MYH9: variants seen among roughly 807,000 people sequenced by gnomAD.
The protein encoded by MYH9 is myosin heavy chain 9.
In MYH9, 29 loss-of-function variants were observed where a neutral mutation model predicts 241.9. That is an observed-to-expected ratio of 0.12 (90% confidence interval 0.09 to 0.16). MYH9 has a LOEUF of 0.16. MYH9 is among the 10% of genes least tolerant of loss of function. The pLI is 1.00. For missense variants in MYH9, 1,803 were observed against 2,595.5 expected, an observed-to-expected ratio of 0.69 and a Z score of 6.63; for synonymous variants, 1,047 against 1,062.6, an observed-to-expected ratio of 0.99 and a Z score of 0.29.
At chr22:36,372,303 CAT>C (rs1379747293) in intron 1 of MYH9, among the ~76,000 whole-genome samples, 4 of 151,984 alleles carry the variant, frequency 2.6e-5, no homozygotes, top group Non-Finnish European at 4.4e-5. Context: ...GCCTGGGTAA[CAT>C]AGCAAGATCC....
chr22:36,387,204 G>T (rs1037718439), intron 1 of MYH9, among the ~76,000 whole-genome samples: 1 of 152,212 alleles, frequency 6.6e-6, no homozygotes, highest in Non-Finnish European at 1.5e-5. Context: ...GGCAGCGGGC[G>T]AATGAGGAAG....
chr22:36,328,424 G>C (rs574753941), intron 3 of MYH9, among the ~76,000 whole-genome samples: 1 of 152,180 alleles, frequency 6.6e-6, no homozygotes, highest in South Asian at 2.1e-4. Context: ...GTTTTATCCC[G>C]CCCCATCTAA....
chr22:36,325,188 G>A (rs573587962), intron 5 of MYH9: 1 of 712,392 alleles, frequency 1.4e-6, no homozygotes, highest in African/African-American at 1.8e-5. Context: ...GAGACAGAGA[G>A]GGAGACAGAA....
rs79554517 is a variant in MYH9, at chr22:36,380,355, T to C, written c.-20+7452A>G. The stretch of plus-strand genomic sequence containing the variant: ...AATTTGGGCTTTTCCAGTGTTGTTA[T>C]ACATAAAAACCACAGGCCAGATGTC... On this transcript the variant is annotated intron_variant, in intron 1 of 40. Coordinates refer to ENST00000216181, the MANE Select transcript of MYH9 (RefSeq NM_002473.6). Among the ~76,000 whole-genome samples the C allele has an allele frequency of 9.9e-3, 1,503 of 152,278 alleles. 22 individuals carry two copies. Among genetic ancestry groups the C allele is most frequent in the African/African-American group, 0.034 (1,416 of 41,548 alleles).
chr22:36,290,338 C>CA (rs530199922), intron 31 of MYH9, among the ~76,000 whole-genome samples: 3,063 of 51,984 alleles, frequency 0.059, 55 homozygotes, highest in East Asian at 0.17. Context: ...AGACAGTCTC[C>CA]AAAAAAAAAA....
At chr22:36,304,826 A>G (rs1008300292) in intron 18 of MYH9, among the ~76,000 whole-genome samples, 1 of 152,210 alleles carries the variant, frequency 6.6e-6, no homozygotes, top group Non-Finnish European at 1.5e-5. Context: ...CCTCCACACA[A>G]CCCTGGTGCC....
chr22:36,306,346 A>G lies in MYH9; in HGVS notation c.2037+68T>C. The G allele has an allele frequency of 6.3e-7, 1 of 1,584,856 alleles. No individual in the cohort carries two copies. Among genetic ancestry groups the G allele is most frequent in the South Asian group, 1.1e-5 (1 of 89,626 alleles). On this transcript the variant is annotated intron_variant, in intron 16 of 40. Coordinates refer to ENST00000216181, the MANE Select transcript of MYH9 (RefSeq NM_002473.6). This position sits in a 1 kb window ranked among gnomAD's most constrained non-coding sequence, Gnocchi z 4.1. ...GGCTGGAGGGGTGCTTTTGCTGGGG[A>G]GACAGACAAGGGCTGAGCACCCCAC...
chr22:36,288,768 C>A lies in MYH9; in HGVS notation c.4729G>T (p.Asp1577Tyr). 6.2e-7 allele frequency: 1 copy of A among 1,609,726 alleles called. No individual in the cohort carries two copies. ...AQFERDLQGR[D>Y]EQSEEKKKQL... ...TTCTTCTTCTCCTCGCTCTGCTCGTCCCGGCCCTGCAGGTCCCGCTCGAAC... is the reference window on the plus strand; with the variant it reads ...TTCTTCTTCTCCTCGCTCTGCTCGTACCGGCCCTGCAGGTCCCGCTCGAAC... Residue 1577 changes from aspartate (D) to tyrosine (Y), a missense_variant, in exon 33 of 41, where the codon GAC becomes TAC. Asp to Tyr is a radical substitution (Grantham distance 160). This residue lies in a region of MYH9 where 876 missense variants were observed against 1,077.8 expected (regional missense o/e 0.81). Coordinates refer to ENST00000216181, the MANE Select transcript of MYH9 (RefSeq NM_002473.6). This position sits in a 1 kb window ranked among gnomAD's most constrained non-coding sequence, Gnocchi z 4.8.
chr22:36,284,669 G>A (rs994898339), intron 38 of MYH9, among the ~76,000 whole-genome samples, 158 bp from the exon 39 acceptor site: 16 of 152,126 alleles, frequency 1.1e-4, no homozygotes, highest in Admixed American at 3.3e-4. Context: ...GGCTTCTTAC[G>A]ACGGGCACTG....
At chr22:36,309,186 G>A in intron 15 of MYH9, 96 bp downstream of exon 15, 2 of 1,022,296 alleles carry the variant, frequency 2.0e-6, no homozygotes, top group Non-Finnish European at 1.5e-6. Flanking sequence ...GGGGGCACAT[G>A]TGTACCCCTT....
In MYH9 at chr22:36,320,675, C is replaced by T; in HGVS notation, c.868+123G>A. The T allele has an allele frequency of 2.4e-6, 2 of 823,048 alleles. No homozygotes were observed. The allele number at this position is 823,048 out of a possible 1,614,324, so 51.0% of individuals were successfully genotyped here. On this transcript the variant is annotated intron_variant, in intron 8 of 40. Coordinates refer to ENST00000216181, the MANE Select transcript of MYH9 (RefSeq NM_002473.6). The surrounding 1 kb of genome is among the most constrained non-coding windows in gnomAD (Gnocchi z 4.8). ...TGGCGCAGAGAACAGGAGTCACTCT[C>T]ACTTCTCCCCGTTAAACCCAAGGCC...
rs550455304 is a variant in MYH9 at position 36,385,161 on chromosome 22, T to G, written c.-20+2646A>C. On this transcript the variant is annotated intron_variant, in intron 1 of 40. Transcript: ENST00000216181. ...TGGGAGGAAGCTGTCAAGGCACGGGTTTTTTTTTTTCTCTCTCTCTCTTTT... is the reference window on the plus strand; with the variant it reads ...TGGGAGGAAGCTGTCAAGGCACGGGGTTTTTTTTTTCTCTCTCTCTCTTTT... 7.7e-5 allele frequency among the ~76,000 whole-genome samples: 11 copies of G among 143,104 alleles called. No homozygotes were observed. The South Asian group carries it at 1.5e-3, about 19-fold the overall frequency. The allele number at this position is 143,104 out of a possible 152,430, so 93.9% of individuals were successfully genotyped here. A position where few individuals can be genotyped will look rare whatever the true frequency, so the allele number is the denominator to read the frequency against.
In MYH9 at chr22:36,326,646, A is replaced by G; in HGVS notation, c.534T>C (p.Ala178=). 6.2e-7 allele frequency: 1 copy of G among 1,614,196 alleles called. No homozygotes were observed. Among genetic ancestry groups the G allele is most frequent in the Non-Finnish European group, 8.5e-7 (1 of 1,180,004 alleles). The change falls in exon 5 of 41, where the codon GCT becomes GCC. Residue 178 remains alanine, a synonymous_variant. Coordinates refer to ENST00000216181, the MANE Select transcript of MYH9 (RefSeq NM_002473.6). The part of the protein sequence containing the change: ...QSILCTGESG[A]GKTENTKKVI... ...CCTTCTTGGTGTTCTCCGTCTTGCC[A>G]GCTCCAGATTCACCACTACCAAGAG... is the stretch of plus-strand genomic sequence containing the variant.
intron 35 of MYH9, among the ~76,000 whole-genome samples, chr22:36,286,423 G>C (rs2016582103): frequency 6.6e-6 from 1 of 152,200 alleles, no homozygotes; most frequent in African/African-American, 2.4e-5. Context: ...GGGCGGCCGA[G>C]GGGACGCTCA....
intron 5 of MYH9, among the ~76,000 whole-genome samples, chr22:36,323,599 G>T (rs1217453544): frequency 6.6e-6 from 1 of 152,148 alleles, no homozygotes; most frequent in Admixed American, 6.5e-5. Context: ...GAGAGCCATG[G>T]ACCCTGGCCT....
At chr22:36,351,380 G>C (rs1296828818) in intron 1 of MYH9, among the ~76,000 whole-genome samples, 1 of 152,188 alleles carries the variant, frequency 6.6e-6, no homozygotes, top group Non-Finnish European at 1.5e-5. Flanking sequence ...CTCAGAATGA[G>C]TCAGAGCAAA....
intron 3 of MYH9, among the ~76,000 whole-genome samples, chr22:36,335,963 G>A (rs999134808): frequency 2.0e-5 from 3 of 152,222 alleles, no homozygotes; most frequent in Admixed American, 2.0e-4. Context: ...ACACCGAGGG[G>A]CATGTGCACA....
At chr22:36,354,893 A>G (rs868038592) in intron 1 of MYH9, among the ~76,000 whole-genome samples, 1 of 151,834 alleles carries the variant, frequency 6.6e-6, no homozygotes, top group African/African-American at 2.4e-5. Context: ...CAGGATGTAC[A>G]TGTGAAAGCA....
In MYH9 at chr22:36,304,005, G is replaced by A; in HGVS notation, c.2380C>T (p.Leu794=). The A allele has an allele frequency of 6.2e-7, 1 of 1,613,582 alleles. No homozygotes were observed. The highest frequency in any genetic ancestry group is 2.2e-5 in the East Asian group (1 of 44,878). Reference sequence around the variant, plus strand: ...TCTCCCGGGACTCACTTCCTGGCCAGGTAGCCCCTGCAGCAGGCCTGGAAC... The same window carrying A: ...TCTCCCGGGACTCACTTCCTGGCCAAGTAGCCCCTGCAGCAGGCCTGGAAC... ...IGFQACCRGY[L]ARKAFAKRQQ... Residue 794 remains leucine (L), a synonymous_variant, in exon 19 of 41, where the codon CTG becomes TTG. Transcript: ENST00000216181.
Sources: gnomAD v4.1 joint callset for allele counts (sites outside exome capture counted in the v4.1 genomes callset) on GRCh38, gnomAD v4.1.1 for gene constraint, gnomAD v4.1.1 regional missense constraint, Gnocchi (gnomAD v3.1) non-coding constraint, MANE v1.5 for transcripts, NCBI Gene and HGNC (gene_info 2026-07-23, HGNC 2026-07-21) for gene names.